CD34: variants seen among roughly 807,000 people sequenced by gnomAD.
The protein encoded by CD34 is CD34 molecule, also known as hematopoietic progenitor cell antigen CD34.
CD34 carries 34 observed loss-of-function variants against 40.1 expected under a neutral mutation model. The observed-to-expected ratio is 0.85, with a 90% CI of 0.65 to 1.13. The LOEUF is 1.13. Ranked by LOEUF, CD34 falls within the 50% of genes most tolerant of loss-of-function variation. The pLI is 0.00. For synonymous variants in CD34, 209 were observed against 190.0 expected (o/e 1.10, Z -0.82); for missense variants, 426 against 466.9 (o/e 0.91, Z 0.81).
At chr1:207,895,870 G>T (rs2102299733) in intron 4 of CD34, among the ~76,000 whole-genome samples, 1 of 152,244 alleles carries the variant, frequency 6.6e-6, no homozygotes, top group East Asian at 1.9e-4. Flanking sequence ...CTAATGAGTT[G>T]AGTTGAAAAT....
At chr1:207,901,636 A>C (rs1289060759) in intron 1 of CD34, among the ~76,000 whole-genome samples, 1 of 152,240 alleles carries the variant, frequency 6.6e-6, no homozygotes, top group East Asian at 1.9e-4. Flanking sequence ...GAGCATCCCA[A>C]ATTGAAACTT....
intron 1 of CD34, among the ~76,000 whole-genome samples, chr1:207,902,592 C>T (rs1301026952): frequency 6.6e-6 from 1 of 152,216 alleles, no homozygotes; most frequent in Non-Finnish European, 1.5e-5. Flanking sequence ...CTTGCCTGCT[C>T]TCTTCCTCTT....
At chr1:207,893,840 A>G (rs369451087) in intron 4 of CD34, among the ~76,000 whole-genome samples, 2 of 152,228 alleles carry the variant, frequency 1.3e-5, no homozygotes, top group East Asian at 1.9e-4. Flanking sequence ...ACTAATCATC[A>G]GGGAAATGCA....
At chr1:207,894,419 T>C (rs1353213442) in intron 4 of CD34, among the ~76,000 whole-genome samples, 4 of 152,158 alleles carry the variant, frequency 2.6e-5, no homozygotes, top group East Asian at 3.8e-4. Context: ...GTTTCATGGG[T>C]ACACAGTTTC....
Position 207,899,164 on chromosome 1 carries a change from A to G in CD34, c.325T>C (p.Ser109Pro), listed in dbSNP as rs774973450. Residue 109 changes from serine (S) to proline (P), a missense_variant, in exon 3 of 8, where the codon TCT becomes CCT. Ser to Pro is a moderately conservative substitution (Grantham distance 74, BLOSUM62 -1). Coordinates refer to ENST00000310833, the MANE Select transcript of CD34 (RefSeq NM_001025109.2). ...ATTACAGAGGTCTGTGACTGGACAG[A>G]AGAGTTTGTGTTTCCATAAACTGAG... ...ITSVYGNTNS[S>P]VQSQTSVIST... The G allele has an allele frequency of 4.6e-5, 74 of 1,614,034 alleles. No homozygotes were observed. The highest frequency in any genetic ancestry group is 5.7e-5 in the Non-Finnish European group (67 of 1,179,962).
intron 1 of CD34, among the ~76,000 whole-genome samples, chr1:207,903,363 C>T (rs886770811): frequency 5.3e-5 from 8 of 152,142 alleles, no homozygotes; most frequent in Non-Finnish European, 1.0e-4. Flanking sequence ...CTTGTCACAT[C>T]CTAAGAGACA....
intron 1 of CD34, among the ~76,000 whole-genome samples, chr1:207,908,419 G>A (rs1202008481): frequency 3.3e-5 from 5 of 152,250 alleles, no homozygotes; most frequent in African/African-American, 4.8e-5. Context: ...CTCCTCTGTC[G>A]CCATATGGCA....
intron 4 of CD34, among the ~76,000 whole-genome samples, chr1:207,891,823 A>G (rs1177651661): frequency 6.6e-6 from 1 of 151,602 alleles, no homozygotes; most frequent in African/African-American, 2.4e-5. Context: ...AAGAGACTCC[A>G]GAGGCCAGAG....
In CD34 at chr1:207,881,644, A is replaced by C. The variant is rs1661813534; in HGVS notation, c.*6094T>G. On this transcript the variant is annotated 3_prime_UTR_variant, in exon 8 of 8. Coordinates refer to ENST00000310833, the MANE Select transcript of CD34 (RefSeq NM_001025109.2). ...CACTACACTCCAGCCTGGGTGACAGAGCGAGACTCCGTCTCAAAAAAAAAA... is the reference window on the plus strand; with the variant it reads ...CACTACACTCCAGCCTGGGTGACAGCGCGAGACTCCGTCTCAAAAAAAAAA... The C allele has an allele frequency of 7.3e-6, 1 of 137,522 alleles. No individual in the cohort carries two copies. The highest frequency in any genetic ancestry group is 7.7e-5 in the Admixed American group (1 of 12,982). The allele number at this position is 137,522 out of a possible 1,614,324, so 8.5% of individuals were successfully genotyped here.
chr1:207,897,891 G>A (rs1333293598), intron 3 of CD34, among the ~76,000 whole-genome samples: 1 of 152,112 alleles, frequency 6.6e-6, no homozygotes, highest in East Asian at 1.9e-4. Flanking sequence ...TTTCCCATTT[G>A]GGTTGTTTTC....
chr1:207,910,349 C>T (rs755758158), intron 1 of CD34, among the ~76,000 whole-genome samples: 1 of 152,138 alleles, frequency 6.6e-6, no homozygotes, highest in Non-Finnish European at 1.5e-5. Flanking sequence ...CTACCTCCTC[C>T]GCGGTGGGGT....
At chr1:207,893,407 C>T (rs944459495) in intron 4 of CD34, among the ~76,000 whole-genome samples, 25 of 152,100 alleles carry the variant, frequency 1.6e-4, no homozygotes, top group African/African-American at 5.8e-4. Flanking sequence ...ATAATTTTAT[C>T]TATTTTGGTG....
intron 1 of CD34, among the ~76,000 whole-genome samples, chr1:207,906,050 G>A (rs1662374079): frequency 6.6e-6 from 1 of 152,182 alleles, no homozygotes. Flanking sequence ...CAGTGCTGTG[G>A]AGAGTACAAA....
rs940196702 is a variant in CD34, at chr1:207,885,147, A to G, written c.*2591T>C. 2.0e-5 allele frequency: 3 copies of G among 152,222 alleles called. No homozygotes were observed. The highest frequency in any genetic ancestry group is 7.2e-5 in the African/African-American group (3 of 41,432). 9.4% of individuals were successfully genotyped at this position (152,222 alleles called of 1,614,324 possible). On this transcript the variant is annotated 3_prime_UTR_variant, in exon 8 of 8. Coordinates refer to ENST00000310833, the MANE Select transcript of CD34 (RefSeq NM_001025109.2). Reference sequence around the variant, plus strand: ...TTCTATAGTTATATGAGCTTTGTGTACAAGAGAAATTGGACTAGAGGGTGG... The same window carrying G: ...TTCTATAGTTATATGAGCTTTGTGTGCAAGAGAAATTGGACTAGAGGGTGG...
Position 207,887,503 on chromosome 1 carries a change from C to T in CD34, c.*235G>A. The T allele has an allele frequency of 3.6e-6, 2 of 560,152 alleles. No individual in the cohort carries two copies. The highest frequency in any genetic ancestry group is 1.9e-5 in the African/African-American group (1 of 53,310). 34.7% of individuals were successfully genotyped at this position (560,152 alleles called of 1,614,324 possible). On this transcript the variant is annotated 3_prime_UTR_variant, in exon 8 of 8. Transcript: ENST00000310833. The stretch of plus-strand genomic sequence containing the variant: ...TCTCCAGACCTTGGCTTTCCCCCGT[C>T]ACACGTTTACCCAAAGAAGACCAGA...
intron 1 of CD34, among the ~76,000 whole-genome samples, chr1:207,900,589 C>T (rs962854627): frequency 5.9e-5 from 9 of 152,192 alleles, no homozygotes; most frequent in Admixed American, 5.9e-4. Context: ...AAAATCTATA[C>T]TTCTCAGACT....
intron 4 of CD34, chr1:207,890,161 T>C: frequency 9.6e-7 from 1 of 1,036,400 alleles, no homozygotes; most frequent in South Asian, 4.1e-5. Context: ...TTTTGTCTCG[T>C]CTTCCATCTC....
chr1:207,893,708 G>T (rs1662081659), intron 4 of CD34, among the ~76,000 whole-genome samples: 3 of 152,176 alleles, frequency 2.0e-5, no homozygotes, highest in Admixed American at 2.0e-4. Context: ...TACAAACTCT[G>T]CATATAAACA....
intron 7 of CD34, 137 bp downstream of exon 7, chr1:207,888,545 T>A: frequency 1.2e-6 from 1 of 845,460 alleles, no homozygotes; most frequent in South Asian, 1.6e-5. Context: ...TTACTGTGTG[T>A]GCACACATGC....
Sources: allele counts gnomAD v4.1 joint callset (sites outside exome capture counted in the v4.1 genomes callset), GRCh38; gene constraint gnomAD v4.1.1; transcripts MANE v1.5; gene names NCBI Gene and HGNC (gene_info 2026-07-23, HGNC 2026-07-21).